The following RERE variants were observed in gnomAD, a reference collection of about 807,000 sequenced individuals.
RERE encodes the protein arginine-glutamic acid dipeptide repeats, also known as arginine-glutamic acid dipeptide repeats protein.
A neutral mutation model predicts 146.1 loss-of-function variants in RERE; 40 were observed. The observed-to-expected ratio is 0.27, with a 90% CI of 0.21 to 0.36. The LOEUF is 0.36. Among genes scored for constraint, RERE ranks in the 10% least tolerant of loss-of-function variants. The probability of loss-of-function intolerance (pLI) is 1.00; values close to 1 mark genes in which losing one functional copy is unlikely to be tolerated. For missense variants in RERE, 1,933 were observed against 2,138.7 expected, an observed-to-expected ratio of 0.90 and a Z score of 1.90; for synonymous variants, 1,003 against 866.0, an observed-to-expected ratio of 1.16 and a Z score of -2.78.
chr1:8,479,296 TA>T (rs1269157953), intron 10 of RERE, among the ~76,000 whole-genome samples: 2 of 151,296 alleles, frequency 1.3e-5, no homozygotes, highest in Non-Finnish European at 2.9e-5. Flanking sequence ...AGCTATTTTT[TA>T]AATTTTTTTT....
chr1:8,783,764 C>T (rs1479261014), intron 1 of RERE, among the ~76,000 whole-genome samples: 1 of 152,188 alleles, frequency 6.6e-6, no homozygotes, highest in Non-Finnish European at 1.5e-5. Context: ...GAAAAGGCCC[C>T]AAGAAGCACC....
chr1:8,607,451 C>T (rs1412445512), intron 4 of RERE, among the ~76,000 whole-genome samples: 2 of 150,276 alleles, frequency 1.3e-5, no homozygotes, highest in Non-Finnish European at 3.0e-5. Context: ...AGCTTACTTC[C>T]ATGGCCTGAA....
At chr1:8,424,739 C>G (rs1359874483) in intron 11 of RERE, 2 of 152,358 alleles carry the variant, frequency 1.3e-5, no homozygotes, top group Non-Finnish European at 2.9e-5. Context: ...AGAAAAGCAG[C>G]AGAGGAACAA....
chr1:8,606,410 C>T (rs1222637200), intron 4 of RERE, among the ~76,000 whole-genome samples: 1 of 151,846 alleles, frequency 6.6e-6, no homozygotes, highest in East Asian at 1.9e-4. Flanking sequence ...TTACTAATGG[C>T]TAGTAGTACT....
At chr1:8,525,139 TG>T (rs1382822300) in intron 7 of RERE, among the ~76,000 whole-genome samples, 1 of 152,218 alleles carries the variant, frequency 6.6e-6, no homozygotes. Context: ...TAAAAACTGA[TG>T]TGACATAACC....
chr1:8,460,053 T>A (rs924981584), intron 11 of RERE, among the ~76,000 whole-genome samples: 1 of 152,212 alleles, frequency 6.6e-6, no homozygotes, highest in African/African-American at 2.4e-5. Context: ...TCTTTGTCAT[T>A]GTCCTCCTTG....
intron 12 of RERE, among the ~76,000 whole-genome samples, chr1:8,384,286 C>G (rs1408086913): frequency 6.6e-6 from 1 of 152,174 alleles, no homozygotes; most frequent in African/African-American, 2.4e-5. Flanking sequence ...GCATCCTGTT[C>G]CTGCTGCCCT....
At chr1:8,566,984 T>C (rs1646160765) in intron 4 of RERE, among the ~76,000 whole-genome samples, 1 of 151,952 alleles carries the variant, frequency 6.6e-6, no homozygotes, top group Non-Finnish European at 1.5e-5. Flanking sequence ...AGAAATGGGG[T>C]TTCATCGTGT....
chr1:8,579,340 C>T (rs986405260), intron 4 of RERE, among the ~76,000 whole-genome samples: 1 of 152,154 alleles, frequency 6.6e-6, no homozygotes, highest in Non-Finnish European at 1.5e-5. Context: ...AGAGCCACCA[C>T]TAACCTATTA....
At chr1:8,614,091 A>T (rs1646823082) in intron 4 of RERE, among the ~76,000 whole-genome samples, 1 of 152,164 alleles carries the variant, frequency 6.6e-6, no homozygotes, top group Non-Finnish European at 1.5e-5. Context: ...CATATTCTGC[A>T]TCTAGCACTG....
chr1:8,371,872 G>A (rs923800475), intron 12 of RERE, among the ~76,000 whole-genome samples: 18 of 152,208 alleles, frequency 1.2e-4, no homozygotes, highest in Non-Finnish European at 2.5e-4. Flanking sequence ...TAGGCAACCC[G>A]ACCCAGGGGC....
chr1:8,459,358 AATTTAGTTCTTCATAAGAAACAGTACC>A, intron 11 of RERE, among the ~76,000 whole-genome samples: 5 of 152,148 alleles, frequency 3.3e-5, no homozygotes, highest in Non-Finnish European at 7.3e-5. Context: ...CATATATACA[AATTTAGTTCTTCATAAGAAACAGTACC>A]ACTGTCATTT....
chr1:8,542,407 C>T (rs1216403257), intron 6 of RERE, among the ~76,000 whole-genome samples: 2 of 152,246 alleles, frequency 1.3e-5, no homozygotes, highest in Admixed American at 1.3e-4. Flanking sequence ...CAGCTAATGG[C>T]CACAGTGTTA....
At chr1:8,386,530 CA>C (rs1642685825) in intron 12 of RERE, among the ~76,000 whole-genome samples, 1 of 87,954 alleles carries the variant, frequency 1.1e-5, no homozygotes, top group Non-Finnish European at 2.7e-5. Context: ...TTTCTGAAGG[CA>C]GTGAACTGAA....
At chr1:8,625,370 T>C (rs1292112341) in intron 2 of RERE, among the ~76,000 whole-genome samples, 1 of 152,202 alleles carries the variant, frequency 6.6e-6, no homozygotes, top group African/African-American at 2.4e-5. Context: ...TATCACAACC[T>C]AAGATCATCA....
intron 12 of RERE, among the ~76,000 whole-genome samples, chr1:8,416,368 A>G (rs159960): frequency 0.45 from 68,854 of 151,824 alleles, 18,475 homozygotes; most frequent in East Asian, 0.83. Flanking sequence ...GGCGGATCAC[A>G]AGGTCAGGAG....
intron 12 of RERE, among the ~76,000 whole-genome samples, chr1:8,420,126 G>C (rs1643885861): frequency 6.6e-6 from 1 of 152,148 alleles, no homozygotes; most frequent in South Asian, 2.1e-4. Flanking sequence ...CAAGTTCCAA[G>C]TCACTTGCGA....
rs750337402 is a variant in RERE, at chr1:8,567,655, G to C, written c.523-10132C>G. ...AACTCATTAAGGATTTTCTACTTAG[G>C]ATTATATTGTGTATGAACACTGAAA... is the stretch of plus-strand genomic sequence containing the variant. On this transcript the variant is annotated intron_variant, in intron 4 of 22. Coordinates refer to ENST00000400908, the MANE Select transcript of RERE (RefSeq NM_001042681.2). Among the ~76,000 whole-genome samples, 4 of 152,164 alleles carry C rather than the reference G, an allele frequency of 2.6e-5. No individual in the cohort carries two copies. In the East Asian group the frequency reaches 7.7e-4, roughly 29 times the overall value.
At chr1:8,516,963 G>A (rs573610711) in intron 7 of RERE, among the ~76,000 whole-genome samples, 22 of 152,228 alleles carry the variant, frequency 1.4e-4, no homozygotes, top group Admixed American at 3.9e-4. Context: ...GGAGGGAGGC[G>A]GAGGGTGCGA....
Sources: allele counts gnomAD v4.1 joint callset (sites outside exome capture counted in the v4.1 genomes callset), GRCh38; gene constraint gnomAD v4.1.1; transcripts MANE v1.5; gene names NCBI Gene and HGNC (gene_info 2026-07-23, HGNC 2026-07-21).